Variants in BCAS3 observed in about 807,000 individuals in gnomAD.
BCAS3 encodes the protein BCAS3 microtubule associated cell migration factor, also known as BCAS4/BCAS3 fusion.
In BCAS3, 53 loss-of-function variants were observed where a neutral mutation model predicts 116.1. The ratio of observed to expected loss-of-function variants is 0.46; its 90% confidence interval spans 0.37 to 0.57. The LOEUF (loss-of-function observed/expected upper bound fraction) is 0.57, where lower values mean the gene tolerates loss of function less well. BCAS3 is among the 20% of genes least tolerant of loss of function. BCAS3 has a pLI of 0.00. For synonymous variants in BCAS3, 391 were observed against 408.2 expected (o/e 0.96, Z 0.51); for missense variants, 917 against 1,165.4 (o/e 0.79, Z 3.10).
chr17:61,086,354 A>C (rs1053528396), intron 22 of BCAS3, among the ~76,000 whole-genome samples: 2 of 152,158 alleles, frequency 1.3e-5, no homozygotes, highest in Non-Finnish European at 2.9e-5. Flanking sequence ...CAGCCTCCCA[A>C]AGTGTTGGGA....
At chr17:61,033,950 C>G (rs1347829464) in intron 16 of BCAS3, among the ~76,000 whole-genome samples, 1 of 152,138 alleles carries the variant, frequency 6.6e-6, no homozygotes, top group African/African-American at 2.4e-5. Flanking sequence ...ATATGAGCAA[C>G]AGAAAAGATT....
At chr17:61,201,599 C>T (rs536884218) in intron 22 of BCAS3, among the ~76,000 whole-genome samples, 1 of 152,232 alleles carries the variant, frequency 6.6e-6, no homozygotes, top group Admixed American at 6.5e-5. Flanking sequence ...AGACTGGAAG[C>T]CCTAGCGAGT....
rs966672778 is a variant in BCAS3 at position 61,355,689 on chromosome 17, A to G, written c.2426-12638A>G. The stretch of plus-strand genomic sequence containing the variant: ...GGATGATTTCAGTGCAATAGTGTGT[A>G]TAAAGTAGCTATGCCTGATGCAAAG... On this transcript the variant is annotated intron_variant, in intron 22 of 23. Coordinates refer to ENST00000407086, the MANE Select transcript of BCAS3 (RefSeq NM_017679.5). The surrounding 1 kb of genome is among the most constrained non-coding windows in gnomAD (Gnocchi z 4.2). Among the ~76,000 whole-genome samples the G allele has an allele frequency of 1.3e-5, 2 of 152,216 alleles. No homozygotes were observed. The highest frequency in any genetic ancestry group is 2.9e-5 in the Non-Finnish European group (2 of 68,038).
At chr17:61,148,304 C>A (rs2077356559) in intron 22 of BCAS3, among the ~76,000 whole-genome samples, 1 of 152,174 alleles carries the variant, frequency 6.6e-6, no homozygotes, top group African/African-American at 2.4e-5. Flanking sequence ...GGTGTAGTAG[C>A]TCATATAATA....
chr17:60,906,372 C>T (rs1276462018), intron 11 of BCAS3, among the ~76,000 whole-genome samples: 2 of 152,090 alleles, frequency 1.3e-5, no homozygotes, highest in Non-Finnish European at 2.9e-5. Context: ...GTGAAGTTCA[C>T]CTGCAATAGC....
chr17:61,049,169 T>C (rs2068613086), intron 19 of BCAS3, among the ~76,000 whole-genome samples: 1 of 151,848 alleles, frequency 6.6e-6, no homozygotes, highest in African/African-American at 2.4e-5. Flanking sequence ...GGTATGGTGG[T>C]GCATACCCTT....
intron 9 of BCAS3, among the ~76,000 whole-genome samples, chr17:60,882,538 A>T (rs1738815149): frequency 1.3e-5 from 2 of 152,140 alleles, no homozygotes; most frequent in South Asian, 4.1e-4. Context: ...CTGAATGGTC[A>T]TGCCTAGGTT....
At chr17:61,040,683 C>T (rs773270390) in intron 18 of BCAS3, 109 bp from the exon 19 acceptor site, 125 of 880,366 alleles carry the variant, frequency 1.4e-4, no homozygotes, top group Admixed American at 3.4e-4. Flanking sequence ...TTTTAATGAT[C>T]ACAAAAGTAG....
rs1229099023 is a variant in BCAS3, at chr17:61,315,788, T to C, written c.2426-52539T>C. 6.6e-6 allele frequency among the ~76,000 whole-genome samples: 1 copy of C among 152,124 alleles called. No individual in the cohort carries two copies. The highest frequency in any genetic ancestry group is 1.9e-4 in the East Asian group (1 of 5,172). On this transcript the variant is annotated intron_variant, in intron 22 of 23. Transcript: ENST00000407086. The surrounding 1 kb of genome is among the most constrained non-coding windows in gnomAD (Gnocchi z 5.3). The stretch of plus-strand genomic sequence containing the variant: ...CACCCAGCACCTCTGCCCTCCCATC[T>C]GCCTCCACATGCCGCTGCGTCCCCT...
chr17:60,945,865 A>G (rs1372084254), intron 13 of BCAS3, among the ~76,000 whole-genome samples: 1 of 151,914 alleles, frequency 6.6e-6, no homozygotes, highest in Non-Finnish European at 1.5e-5. Flanking sequence ...TCATGCCTGT[A>G]ATCCCAGCAC....
intron 15 of BCAS3, among the ~76,000 whole-genome samples, chr17:61,010,621 C>T (rs563305056): frequency 6.6e-6 from 1 of 151,738 alleles, no homozygotes; most frequent in Non-Finnish European, 1.5e-5. Flanking sequence ...AAACAAAAAA[C>T]TGAAAGCAGA....
chr17:61,306,241 C>T (rs549458773), intron 22 of BCAS3, among the ~76,000 whole-genome samples: 353 of 152,306 alleles, frequency 2.3e-3, no homozygotes, highest in Non-Finnish European at 3.9e-3. Context: ...TGAATCTCTG[C>T]ATCTGAGCTT....
intron 3 of BCAS3, 38 bp downstream of exon 3, chr17:60,684,074 C>T (rs2033664393): frequency 1.3e-6 from 2 of 1,585,098 alleles, no homozygotes; most frequent in South Asian, 1.1e-5. Context: ...TCCCTTTGGT[C>T]AGGAGAGCTC....
In BCAS3 at chr17:61,082,752, G is replaced by A. The variant is rs1193228499; in HGVS notation, c.2328-1715G>A. The stretch of plus-strand genomic sequence containing the variant: ...ACCTATCCCCTAACTAACCACTGCC[G>A]AGATGTGATGAGATTACCATGATTG... On this transcript the variant is annotated intron_variant, in intron 21 of 23. Transcript: ENST00000407086. The surrounding 1 kb of genome is among the most constrained non-coding windows in gnomAD (Gnocchi z 5.1). Among the ~76,000 whole-genome samples, 1 of 152,154 alleles carries A rather than the reference G, an allele frequency of 6.6e-6. No homozygotes were observed. Among genetic ancestry groups the A allele is most frequent in the African/African-American group, 2.4e-5 (1 of 41,442 alleles).
Position 61,361,490 on chromosome 17 carries a change from A to G in BCAS3, c.2426-6837A>G, listed in dbSNP as rs1026176638. 1.9e-4 allele frequency among the ~76,000 whole-genome samples: 29 copies of G among 152,162 alleles called. No homozygotes were observed. Among genetic ancestry groups the G allele is most frequent in the African/African-American group, 7.0e-4 (29 of 41,448 alleles). ...AATATAATATCTGATCTATATCTAT[A>G]TCTATCTCACTGTGGGAGAACGCTG... On this transcript the variant is annotated intron_variant, in intron 22 of 23. Transcript: ENST00000407086. The surrounding 1 kb of genome is among the most constrained non-coding windows in gnomAD (Gnocchi z 6.5).
chr17:60,887,316 ACG>A (rs2056774037), intron 9 of BCAS3: 1 of 129,758 alleles, frequency 7.7e-6, no homozygotes, highest in African/African-American at 4.2e-5. Flanking sequence ...CGCACGGTGC[ACG>A]GTGCGTGCAC....
rs1318974327 is a variant in BCAS3, at chr17:60,974,986, T to G, written c.1222-14985T>G. Among the ~76,000 whole-genome samples, 17 of 138,460 alleles carry G rather than the reference T, an allele frequency of 1.2e-4. 1 individual carries two copies. The highest frequency in any genetic ancestry group is 5.6e-4 in the African/African-American group (16 of 28,406). 90.8% of individuals were successfully genotyped at this position (138,460 alleles called of 152,430 possible). A position where few individuals can be genotyped will look rare whatever the true frequency, so the allele number is the denominator to read the frequency against. ...TTCAAGCCATTTGTTTTTTTTGTTT[T>G]TTTTGCTTTTTTGTTTTTTTTTTTT... On this transcript the variant is annotated intron_variant, in intron 14 of 23. Transcript: ENST00000407086.
At chr17:60,799,997 CA>C (rs1477879618) in intron 6 of BCAS3, among the ~76,000 whole-genome samples, 2 of 152,016 alleles carry the variant, frequency 1.3e-5, no homozygotes, top group Non-Finnish European at 2.9e-5. Context: ...GAGGGACATC[CA>C]GGGGTGATTT....
intron 14 of BCAS3, among the ~76,000 whole-genome samples, chr17:60,988,341 T>C (rs1205038892): frequency 1.5e-5 from 2 of 131,768 alleles, no homozygotes; most frequent in African/African-American, 6.9e-5. Context: ...TCTTTTTCTT[T>C]TTTTTTTTTT....
Sources: gnomAD v4.1 joint callset for allele counts (sites outside exome capture counted in the v4.1 genomes callset) on GRCh38, gnomAD v4.1.1 for gene constraint, Gnocchi (gnomAD v3.1) non-coding constraint, MANE v1.5 for transcripts, NCBI Gene and HGNC (gene_info 2026-07-23, HGNC 2026-07-21) for gene names.